TBC1D5: variants seen among roughly 807,000 people sequenced by gnomAD.
TBC1D5 encodes TBC1 domain family member 5.
In TBC1D5, 75 loss-of-function variants were observed where a neutral mutation model predicts 100.3. The observed-to-expected ratio is 0.75, with a 90% CI of 0.62 to 0.91. The LOEUF (loss-of-function observed/expected upper bound fraction) is 0.91. Among genes scored for constraint, TBC1D5 ranks in the 40% least tolerant of loss-of-function variants. The pLI is 0.00. For synonymous variants in TBC1D5, 323 were observed against 325.6 expected, an observed-to-expected ratio of 0.99 and a Z score of 0.09; for missense variants, 910 against 942.4, an observed-to-expected ratio of 0.97 and a Z score of 0.45.
intron 1 of TBC1D5, chr3:17,739,330 T>G (rs1261965014): frequency 1.3e-5 from 2 of 152,236 alleles, no homozygotes; most frequent in Non-Finnish European, 2.9e-5. Flanking sequence ...GAAACATAAA[T>G]TATTCAACTT....
intron 1 of TBC1D5, among the ~76,000 whole-genome samples, chr3:17,636,981 C>T (rs1272208965): frequency 1.3e-5 from 2 of 151,640 alleles, no homozygotes; most frequent in East Asian, 1.9e-4. Flanking sequence ...TAAATGAATG[C>T]CAAATGGATA....
At chr3:17,325,566 C>T (rs1025354314) in intron 13 of TBC1D5, among the ~76,000 whole-genome samples, 1 of 152,184 alleles carries the variant, frequency 6.6e-6, no homozygotes, top group African/African-American at 2.4e-5. Context: ...TTATGATCCA[C>T]CTGCCTTGGC....
chr3:17,196,097 T>A (rs1027956365), intron 18 of TBC1D5, among the ~76,000 whole-genome samples: 1 of 152,116 alleles, frequency 6.6e-6, no homozygotes, highest in South Asian at 2.1e-4. Flanking sequence ...AGACACAATA[T>A]CTGGCACAGA....
chr3:17,321,907 C>T (rs1008227421), intron 13 of TBC1D5, among the ~76,000 whole-genome samples: 1 of 152,130 alleles, frequency 6.6e-6, no homozygotes, highest in Non-Finnish European at 1.5e-5. Flanking sequence ...TGGATATATA[C>T]CAATTATATC....
intron 1 of TBC1D5, among the ~76,000 whole-genome samples, chr3:17,624,179 C>T (rs764647772): frequency 3.3e-5 from 5 of 152,148 alleles, no homozygotes; most frequent in Non-Finnish European, 7.4e-5. Context: ...TTACACACGA[C>T]ATATTACCCT....
At chr3:17,272,296 C>T (rs1329211328) in intron 15 of TBC1D5, among the ~76,000 whole-genome samples, 11 of 152,048 alleles carry the variant, frequency 7.2e-5, no homozygotes. Flanking sequence ...ACAAATGATA[C>T]ACTGTACTAT....
At chr3:17,206,660 G>GGT (rs2072228196) in intron 18 of TBC1D5, among the ~76,000 whole-genome samples, 1 of 152,206 alleles carries the variant, frequency 6.6e-6, no homozygotes, top group Non-Finnish European at 1.5e-5. Context: ...CCCCCCTGTA[G>GGT]TGCTGTGAGC....
intron 3 of TBC1D5, among the ~76,000 whole-genome samples, chr3:17,499,593 G>C (rs905801022): frequency 2.0e-5 from 3 of 147,968 alleles, no homozygotes; most frequent in African/African-American, 5.2e-5. Flanking sequence ...TACTTGAAAG[G>C]CTGGGGTGGG....
At chr3:17,518,627 A>T (rs1285191533) in intron 2 of TBC1D5, among the ~76,000 whole-genome samples, 2 of 152,256 alleles carry the variant, frequency 1.3e-5, no homozygotes, top group Non-Finnish European at 2.9e-5. Flanking sequence ...GATGCTGGAC[A>T]AGAGCTCGGG....
chr3:17,591,928 G>A (rs1439519752), intron 2 of TBC1D5, among the ~76,000 whole-genome samples: 1 of 152,188 alleles, frequency 6.6e-6, no homozygotes, highest in Non-Finnish European at 1.5e-5. Context: ...CTCCTATTTG[G>A]CCTATGCAGA....
Position 17,665,031 on chromosome 3 carries a change from T to TTAAAA in TBC1D5, c.-100-41119_-100-41118insTTTTA, listed in dbSNP as rs369353377. 5.7e-3 allele frequency: 549 copies of TTAAAA among 97,062 alleles called. 8 individuals carry two copies. Among genetic ancestry groups the TTAAAA allele is most frequent in the African/African-American group, 0.02 (495 of 25,170 alleles). The allele number at this position is 97,062 out of a possible 1,614,324, so 6.0% of individuals were successfully genotyped here. On this transcript the variant is annotated intron_variant, in intron 1 of 21. Transcript: ENST00000253692. ...GTTTTTACCGGAAAGCCCCGCTATT[T>TTAAAA]AAAAAAAAAAAAAAAAAAAAGGAAG... is the stretch of plus-strand genomic sequence containing the variant.
chr3:17,200,678 T>C (rs1384126168), intron 18 of TBC1D5, among the ~76,000 whole-genome samples: 2 of 152,226 alleles, frequency 1.3e-5, no homozygotes, highest in Non-Finnish European at 2.9e-5. Flanking sequence ...AAAAAGGAAG[T>C]TTGGAAATTT....
intron 3 of TBC1D5, among the ~76,000 whole-genome samples, chr3:17,466,587 T>C (rs1328353849): frequency 6.6e-6 from 1 of 152,228 alleles, no homozygotes; most frequent in East Asian, 1.9e-4. Flanking sequence ...TTAGGCAATA[T>C]ATTAGTTCCC....
chr3:17,688,142 G>A (rs990696482), intron 1 of TBC1D5, among the ~76,000 whole-genome samples: 1 of 152,016 alleles, frequency 6.6e-6, no homozygotes, highest in Non-Finnish European at 1.5e-5. Flanking sequence ...ATGGAGAACT[G>A]TTCACAGTAT....
rs537961647 is a variant in TBC1D5 at position 17,438,502 on chromosome 3, T to C, written c.98-9983A>G. ...GAGATCTGATGGTTTTATAAGGGGA[T>C]TCCCCCTTCGCTGGGCACTCACTTT... On this transcript the variant is annotated intron_variant, in intron 3 of 21. Coordinates refer to ENST00000253692, the Ensembl canonical transcript of TBC1D5. 5.9e-5 allele frequency among the ~76,000 whole-genome samples: 9 copies of C among 152,298 alleles called. No individual in the cohort carries two copies. In the South Asian group the frequency reaches 1.9e-3, roughly 32 times the overall value.
chr3:17,319,848 C>A (rs1028218149), intron 13 of TBC1D5, among the ~76,000 whole-genome samples: 1 of 151,528 alleles, frequency 6.6e-6, no homozygotes, highest in Non-Finnish European at 1.5e-5. Flanking sequence ...CCAGCCTGGG[C>A]GACACAGCGA....
At chr3:17,639,656 C>CAATTT (rs1490811346) in intron 1 of TBC1D5, among the ~76,000 whole-genome samples, 2 of 152,024 alleles carry the variant, frequency 1.3e-5, no homozygotes, top group Admixed American at 1.3e-4. Context: ...CTGAGGGGAT[C>CAATTT]AATTTTGTCA....
chr3:17,671,001 C>T (rs1053048850), intron 1 of TBC1D5, among the ~76,000 whole-genome samples: 1 of 152,162 alleles, frequency 6.6e-6, no homozygotes, highest in African/African-American at 2.4e-5. Context: ...CCAGCACTAC[C>T]ACAAATGATT....
chr3:17,715,200 G>C (rs2075120193), intron 1 of TBC1D5, among the ~76,000 whole-genome samples: 3 of 152,104 alleles, frequency 2.0e-5, no homozygotes, highest in Admixed American at 6.5e-5. Flanking sequence ...GGGAATACTG[G>C]GCATTGATCT....
Sources: gnomAD v4.1 joint callset for allele counts (sites outside exome capture counted in the v4.1 genomes callset) on GRCh38, gnomAD v4.1.1 for gene constraint, MANE v1.5 for transcripts, NCBI Gene and HGNC (gene_info 2026-07-23, HGNC 2026-07-21) for gene names.